The following DNAH11 variants were observed in gnomAD, a reference collection of about 807,000 sequenced individuals.
The protein encoded by DNAH11 is axonemal beta dynein heavy chain 11.
A neutral mutation model predicts 526.0 loss-of-function variants in DNAH11; 442 were observed. That is an observed-to-expected ratio of 0.84 (90% CI 0.78 to 0.91). The LOEUF (loss-of-function observed/expected upper bound fraction) is 0.91. Ranked by LOEUF, DNAH11 falls within the 40% of genes least tolerant of loss-of-function variation. The pLI, the probability that DNAH11 is intolerant of heterozygous loss-of-function variation, is 0.00. For missense variants in DNAH11, 6,989 were observed against 5,448.7 expected (o/e 1.28, Z -8.90); for synonymous variants, 2,461 against 1,935.9 (o/e 1.27, Z -7.12).
chr7:21,748,763 G>C (rs1009226087), intron 52 of DNAH11, 21 bp downstream of exon 52: 3 of 1,606,632 alleles, frequency 1.9e-6, no homozygotes, highest in African/African-American at 1.3e-5. Context: ...GGGACAGGCA[G>C]TTCTTCTGAC....
Position 21,900,989 on chromosome 7 carries a change from G to A in DNAH11, c.13304-18G>A, listed in dbSNP as rs114694338. 1.5e-4 allele frequency: 227 copies of A among 1,559,824 alleles called. No homozygotes were observed. Among genetic ancestry groups the A allele is most frequent in the African/African-American group, 1.1e-3 (81 of 72,638 alleles). On this transcript the variant is annotated intron_variant, in intron 81 of 81. Transcript: ENST00000409508. The stretch of plus-strand genomic sequence containing the variant: ...AGCAAGCTGCCACACAATTGCAACC[G>A]CTGTGTTTTTGCCATAGGCGCCCGC...
At chr7:21,644,579 G>A (rs1450192429) in intron 28 of DNAH11, among the ~76,000 whole-genome samples, 1 of 152,182 alleles carries the variant, frequency 6.6e-6, no homozygotes. Context: ...TTGCTCCTGA[G>A]TTTAAGCTGG....
At chr7:21,564,102 TG>T in intron 5 of DNAH11, 83 bp from the exon 6 acceptor site, 1 of 972,392 alleles carries the variant, frequency 1.0e-6, no homozygotes, top group Non-Finnish European at 1.5e-6. Context: ...TTGTTTTACG[TG>T]GCTCTCTTCT....
intron 74 of DNAH11, among the ~76,000 whole-genome samples, chr7:21,879,799 A>G (rs554415410): frequency 1.3e-5 from 2 of 152,220 alleles, no homozygotes; most frequent in East Asian, 3.9e-4. Flanking sequence ...AAAAGGAAAG[A>G]GTTCGCTGGG....
chr7:21,833,632 T>C (rs1168045877), intron 65 of DNAH11, among the ~76,000 whole-genome samples: 1 of 151,966 alleles, frequency 6.6e-6, no homozygotes, highest in Non-Finnish European at 1.5e-5. Flanking sequence ...GAAGTAGAGG[T>C]TGCAGTGAGC....
At chr7:21,577,548 C>G (rs1488671488) in intron 8 of DNAH11, among the ~76,000 whole-genome samples, 2 of 152,116 alleles carry the variant, frequency 1.3e-5, no homozygotes, top group African/African-American at 4.8e-5. Context: ...ACCCTGAGGC[C>G]AAGTGGTAAC....
At chr7:21,558,355 A>G (rs1562659110) in intron 2 of DNAH11, among the ~76,000 whole-genome samples, 2 of 152,194 alleles carry the variant, frequency 1.3e-5, no homozygotes, top group East Asian at 3.8e-4. Context: ...GTGGCTGAAT[A>G]AACATCTTTC....
At chr7:21,896,903 TAATAA>T (rs1222236831) in intron 79 of DNAH11, among the ~76,000 whole-genome samples, 2 of 151,890 alleles carry the variant, frequency 1.3e-5, no homozygotes, top group Non-Finnish European at 2.9e-5. Context: ...TAAAAAACAA[TAATAA>T]AATAAATAAA....
intron 65 of DNAH11, among the ~76,000 whole-genome samples, chr7:21,829,771 A>C (rs1356359048): frequency 1.3e-5 from 2 of 152,240 alleles, no homozygotes; most frequent in Non-Finnish European, 2.9e-5. Flanking sequence ...TAAGAATTTC[A>C]GATAATAATC....
chr7:21,825,983 T>C (rs542049077), intron 65 of DNAH11, among the ~76,000 whole-genome samples: 9 of 150,798 alleles, frequency 6.0e-5, no homozygotes, highest in African/African-American at 2.0e-4. Flanking sequence ...AAAAGTGTTT[T>C]GATGGAATAA....
chr7:21,679,780 C>T lies in DNAH11; in HGVS notation c.5329-1766C>T, dbSNP rs116955448. Among the ~76,000 whole-genome samples the T allele has an allele frequency of 6.5e-4, 99 of 152,174 alleles. 2 individuals carry two copies. The East Asian group carries it at 0.014, about 22-fold the overall frequency. On this transcript the variant is annotated intron_variant, in intron 30 of 81. Coordinates refer to ENST00000409508, the MANE Select transcript of DNAH11 (RefSeq NM_001277115.2). ...TCAGACTGTTGGGATTTGAATTTCT[C>T]CTCCCTGGATTGGCAAATGTGGTTA... is the stretch of plus-strand genomic sequence containing the variant.
intron 8 of DNAH11, among the ~76,000 whole-genome samples, chr7:21,577,025 G>A (rs77701491): frequency 1.1e-4 from 17 of 152,356 alleles, no homozygotes; most frequent in African/African-American, 3.4e-4. Context: ...AAAAGGCAGA[G>A]TGGCTAAGGA....
At chr7:21,726,693 C>T (rs181681992) in intron 45 of DNAH11, among the ~76,000 whole-genome samples, 2 of 150,478 alleles carry the variant, frequency 1.3e-5, no homozygotes, top group South Asian at 4.2e-4. Flanking sequence ...AACCCCATCT[C>T]TACTAAAAAT....
intron 30 of DNAH11, among the ~76,000 whole-genome samples, chr7:21,675,882 TA>T (rs1304801831): frequency 1.3e-5 from 2 of 151,402 alleles, no homozygotes; most frequent in Non-Finnish European, 2.9e-5. Context: ...AATAAATAGA[TA>T]GGGGGTAATA....
chr7:21,873,492 C>G lies in DNAH11; in HGVS notation c.12186C>G (p.Asn4062Lys). ...MLANLHAALY[N>K]FDQDTLEICS... The stretch of plus-strand genomic sequence containing the variant: ...CCAATTTGCATGCCGCCCTGTACAA[C>G]TTTGATCAGGTAAGAAAGCGAAGCA... Residue 4062 changes from asparagine (N) to lysine (K), a missense_variant, in exon 74 of 82, where the codon AAC becomes AAG. By Grantham distance (94) the Asn-to-Lys change is moderately conservative. Transcript: ENST00000409508. 1 of 1,613,916 alleles carries G rather than the reference C, an allele frequency of 6.2e-7. No homozygotes were observed. The highest frequency in any genetic ancestry group is 8.5e-7 in the Non-Finnish European group (1 of 1,179,842).
At chr7:21,723,212 A>AGG in intron 44 of DNAH11, among the ~76,000 whole-genome samples, 1 of 152,368 alleles carries the variant, frequency 6.6e-6, no homozygotes, top group East Asian at 1.9e-4. Context: ...GAATGTGCTT[A>AGG]GAGCTTTTCA....
Position 21,741,944 on chromosome 7 carries a change from T to G in DNAH11, c.7932T>G (p.Phe2644Leu), listed in dbSNP as rs904849195. 1 of 1,613,890 alleles carries G rather than the reference T, an allele frequency of 6.2e-7. No individual in the cohort carries two copies. Residue 2644 changes from phenylalanine (F) to leucine (L), a missense_variant, in exon 49 of 82, where the codon TTT becomes TTG. By Grantham distance (22) the Phe-to-Leu change is conservative. Transcript: ENST00000409508. ...CTTTTCAGAGACATTTCACAGTGTT[T>G]GCATTCAATTTTCCATCTTTGGATG... ...NPRLQRHFTVFAFNFPSLDAL... is the reference protein window; with the variant it reads ...NPRLQRHFTVLAFNFPSLDAL...
In DNAH11 at chr7:21,681,319, A is replaced by G. The variant is rs59896968; in HGVS notation, c.5329-227A>G. Among the ~76,000 whole-genome samples, 498 of 151,960 alleles carry G rather than the reference A, an allele frequency of 3.3e-3. 3 individuals are homozygous for G. The highest frequency in any genetic ancestry group is 0.012 in the African/African-American group (481 of 41,464). Reference sequence around the variant, plus strand: ...GTGGGCACCTGTAATCCCAACTACTAGGGAGGCTGAGGCAGGAGAATTGCT... The same window carrying G: ...GTGGGCACCTGTAATCCCAACTACTGGGGAGGCTGAGGCAGGAGAATTGCT... On this transcript the variant is annotated intron_variant, in intron 30 of 81. Coordinates refer to ENST00000409508, the MANE Select transcript of DNAH11 (RefSeq NM_001277115.2).
At chr7:21,887,571 C>A (rs1290833119) in intron 76 of DNAH11, among the ~76,000 whole-genome samples, 1 of 152,182 alleles carries the variant, frequency 6.6e-6, no homozygotes, top group African/African-American at 2.4e-5. Context: ...GTTTCATAAT[C>A]TACAAAACCA....
Sources: gnomAD v4.1 joint callset for allele counts (sites outside exome capture counted in the v4.1 genomes callset) on GRCh38, gnomAD v4.1.1 for gene constraint, MANE v1.5 for transcripts, NCBI Gene and HGNC (gene_info 2026-07-23, HGNC 2026-07-21) for gene names.